The following SEMA5A variants were observed in gnomAD, a reference collection of about 807,000 sequenced individuals.
The protein encoded by SEMA5A is semaphorin-5A.
A neutral mutation model predicts 135.5 loss-of-function variants in SEMA5A; 55 were observed. That is an observed-to-expected ratio of 0.41 (90% CI 0.33 to 0.51). The LOEUF (loss-of-function observed/expected upper bound fraction) is 0.51. Among genes scored for constraint, SEMA5A ranks in the 20% least tolerant of loss-of-function variants. The probability of loss-of-function intolerance (pLI) is 0.37; values close to 1 mark genes in which losing one functional copy is unlikely to be tolerated. For synonymous variants in SEMA5A, 580 were observed against 546.5 expected, an observed-to-expected ratio of 1.06 and a Z score of -0.85; for missense variants, 1,290 against 1,419.9, an observed-to-expected ratio of 0.91 and a Z score of 1.47.
intron 18 of SEMA5A, among the ~76,000 whole-genome samples, chr5:9,062,105 C>T (rs575925593): frequency 7.2e-5 from 11 of 152,260 alleles, no homozygotes; most frequent in East Asian, 3.9e-4. Context: ...AGTCCATATC[C>T]TTCGAGTAGC....
At chr5:9,231,270 C>T (rs1747613501) in intron 6 of SEMA5A, among the ~76,000 whole-genome samples, 1 of 151,864 alleles carries the variant, frequency 6.6e-6, no homozygotes, top group Non-Finnish European at 1.5e-5. Flanking sequence ...AGTTCGAGAC[C>T]AGCCTGGCCA....
chr5:9,326,349 T>C (rs1165369107), intron 4 of SEMA5A, among the ~76,000 whole-genome samples: 1 of 152,104 alleles, frequency 6.6e-6, no homozygotes, highest in Admixed American at 6.5e-5. Flanking sequence ...TCGCAGGCAT[T>C]CAGCAATTCT....
intron 2 of SEMA5A, among the ~76,000 whole-genome samples, chr5:9,381,803 C>T (rs1755621239): frequency 6.6e-6 from 1 of 152,124 alleles, no homozygotes; most frequent in Non-Finnish European, 1.5e-5. Flanking sequence ...TTATAATCTG[C>T]TACATTTGGG....
intron 2 of SEMA5A, among the ~76,000 whole-genome samples, chr5:9,405,243 C>T (rs536862839): frequency 3.9e-5 from 6 of 152,336 alleles, no homozygotes; most frequent in African/African-American, 1.4e-4. Flanking sequence ...GAAAAACAGA[C>T]TCCCCAGAGA....
intron 2 of SEMA5A, among the ~76,000 whole-genome samples, chr5:9,403,932 TTGTC>T (rs1414459197): frequency 1.4e-5 from 2 of 145,364 alleles, no homozygotes; most frequent in East Asian, 1.9e-4. Context: ...GTTTGTTTGT[TTGTC>T]TGTTTGTTTG....
Position 9,036,111 on chromosome 5 carries a change from A to G in SEMA5A, c.*6786T>C, listed in dbSNP as rs1735641688. The stretch of plus-strand genomic sequence containing the variant: ...ACAAAAGTTTTGCTATGCACTTTTG[A>G]AGAATCCAACATTGGACCAAAAGTT... On this transcript the variant is annotated 3_prime_UTR_variant, in exon 23 of 23. Transcript: ENST00000382496. 6.6e-6 allele frequency: 1 copy of G among 152,158 alleles called. No homozygotes were observed. The highest frequency in any genetic ancestry group is 2.4e-5 in the African/African-American group (1 of 41,452). The allele number at this position is 152,158 out of a possible 1,614,324, so 9.4% of individuals were successfully genotyped here.
intron 5 of SEMA5A, among the ~76,000 whole-genome samples, chr5:9,263,954 A>G (rs564968916): frequency 1.3e-5 from 2 of 152,342 alleles, no homozygotes; most frequent in South Asian, 2.1e-4. Flanking sequence ...GAAATTGATA[A>G]GAAGTGAATT....
At chr5:9,098,136 G>A (rs1213084121) in intron 16 of SEMA5A, among the ~76,000 whole-genome samples, 10 of 151,904 alleles carry the variant, frequency 6.6e-5, no homozygotes, top group Admixed American at 6.6e-4. Context: ...CCAGTTACTC[G>A]GGAGGCTGAG....
At chr5:9,529,750 C>CA (rs1328390773) in intron 1 of SEMA5A, among the ~76,000 whole-genome samples, 17 of 152,290 alleles carry the variant, frequency 1.1e-4, no homozygotes, top group African/African-American at 3.1e-4. Flanking sequence ...ACTTAGCTTC[C>CA]TATTGTTCAT....
At chr5:9,283,403 T>C (rs1750639805) in intron 5 of SEMA5A, among the ~76,000 whole-genome samples, 1 of 152,162 alleles carries the variant, frequency 6.6e-6, no homozygotes, top group African/African-American at 2.4e-5. Context: ...CTGTCTGCCC[T>C]GTGGTTCTCT....
At chr5:9,046,122 G>A (rs1279283868) in intron 21 of SEMA5A, among the ~76,000 whole-genome samples, 1 of 152,168 alleles carries the variant, frequency 6.6e-6, no homozygotes, top group Non-Finnish European at 1.5e-5. Flanking sequence ...TGCCCATGGG[G>A]TACTGGCCTC....
chr5:9,247,231 T>G (rs1748528780), intron 5 of SEMA5A, among the ~76,000 whole-genome samples: 2 of 152,210 alleles, frequency 1.3e-5, no homozygotes. Context: ...ATTTTGTGTG[T>G]TAGATTTCTC....
intron 3 of SEMA5A, among the ~76,000 whole-genome samples, chr5:9,362,759 T>G (rs805143): frequency 0.93 from 141,840 of 152,238 alleles, 66,309 homozygotes; most frequent in Non-Finnish European, 0.97. Flanking sequence ...TGCTCTCATG[T>G]CTAGATGAAT....
At chr5:9,246,425 T>C (rs1579702784) in intron 5 of SEMA5A, among the ~76,000 whole-genome samples, 1 of 152,208 alleles carries the variant, frequency 6.6e-6, no homozygotes, top group East Asian at 1.9e-4. Flanking sequence ...CATCTAATGT[T>C]ATATTTTCTC....
intron 5 of SEMA5A, among the ~76,000 whole-genome samples, chr5:9,309,086 T>G (rs1032690220): frequency 5.3e-5 from 8 of 152,140 alleles, no homozygotes; most frequent in Non-Finnish European, 1.0e-4. Context: ...TGATGCATAT[T>G]AAAAATTTAA....
chr5:9,259,862 A>C (rs1194587521), intron 5 of SEMA5A, among the ~76,000 whole-genome samples: 6 of 51,008 alleles, frequency 1.2e-4, no homozygotes, highest in Non-Finnish European at 2.3e-4. Context: ...CACATTCAAA[A>C]GCTAGCAGAA....
chr5:9,449,468 T>C (rs1022736799), intron 1 of SEMA5A, among the ~76,000 whole-genome samples: 2 of 152,078 alleles, frequency 1.3e-5, no homozygotes, highest in African/African-American at 4.8e-5. Flanking sequence ...GATGCTGGGC[T>C]TAATACCTAG....
At chr5:9,520,638 A>G (rs895719493) in intron 1 of SEMA5A, among the ~76,000 whole-genome samples, 1 of 152,188 alleles carries the variant, frequency 6.6e-6, no homozygotes, top group Admixed American at 6.5e-5. Flanking sequence ...CAGTGGCATC[A>G]CTGGTAAGTC....
intron 14 of SEMA5A, among the ~76,000 whole-genome samples, chr5:9,119,725 T>A (rs887529959): frequency 1.6e-4 from 24 of 152,182 alleles, no homozygotes; most frequent in African/African-American, 5.3e-4. Context: ...ATTGTTAGAA[T>A]AATATTCAAA....
Sources: allele counts gnomAD v4.1 joint callset (sites outside exome capture counted in the v4.1 genomes callset), GRCh38; gene constraint gnomAD v4.1.1; transcripts MANE v1.5; gene names NCBI Gene and HGNC (gene_info 2026-07-23, HGNC 2026-07-21).